Variants in OGFOD3 observed in about 807,000 individuals in gnomAD.
OGFOD3 encodes the protein 2-oxoglutarate and iron-dependent oxygenase domain-containing protein 3.
In OGFOD3, 35 loss-of-function variants were observed where a neutral mutation model predicts 39.8. The ratio of observed to expected loss-of-function variants is 0.88; its 90% CI spans 0.67 to 1.17. The LOEUF (loss-of-function observed/expected upper bound fraction) is 1.17. Among genes scored for constraint, OGFOD3 ranks in the 50% most tolerant of loss-of-function variants. OGFOD3 has a pLI of 0.00. For synonymous variants in OGFOD3, 200 were observed against 192.0 expected (o/e 1.04, Z -0.34); for missense variants, 438 against 454.5 (o/e 0.96, Z 0.33).
chr17:82,411,730 G>A, intron 2 of OGFOD3, 200 bp from the exon 3 acceptor site: 1 of 547,552 alleles, frequency 1.8e-6, no homozygotes, highest in South Asian at 2.2e-5. Context: ...GGCTTCCAGT[G>A]GCTCCAACTG....
Position 82,404,089 on chromosome 17 carries a change from C to G in OGFOD3, c.547G>C (p.Glu183Gln). 6.3e-7 allele frequency: 1 copy of G among 1,591,126 alleles called. No homozygotes were observed. Among genetic ancestry groups the G allele is most frequent in the Non-Finnish European group, 8.6e-7 (1 of 1,167,460 alleles). ...GTGAGCTGGACCTTCTGCCGCACCT[C>G]CCTGCAGAGGACACAATAGCCGTCA... is the stretch of plus-strand genomic sequence containing the variant. ...FSEEDFRLYR[E>Q]VRQKVQLTIA... The change falls in exon 7 of 9, where the codon GAG (glutamate) becomes CAG (glutamine). Residue 183 changes from glutamate (E) to glutamine (Q), a missense_variant and splice_region_variant. Coordinates refer to ENST00000313056, the MANE Select transcript of OGFOD3 (RefSeq NM_024648.3). The surrounding 1 kb of genome is among the most constrained non-coding windows in gnomAD (Gnocchi z 4.5).
chr17:82,392,466 G>C lies in OGFOD3; in HGVS notation c.892C>G (p.Arg298Gly). ...HRVEKVHWGT[R>G]YAITIAFSCN... ...CTGAAGGCGATGGTGATGGCGTAAC[G>C]GGTGCCCCAGTGGACCTTCTCCACG... The change falls in exon 9 of 9, where the codon CGT becomes GGT. Residue 298 changes from arginine (R) to glycine (G), a missense_variant. Arg to Gly is a moderately radical substitution (Grantham distance 125). Coordinates refer to ENST00000313056, the MANE Select transcript of OGFOD3 (RefSeq NM_024648.3). This position sits in a 1 kb window ranked among gnomAD's most constrained non-coding sequence, Gnocchi z 4.2. The C allele has an allele frequency of 6.2e-7, 1 of 1,611,642 alleles. No homozygotes were observed. The highest frequency in any genetic ancestry group is 8.5e-7 in the Non-Finnish European group (1 of 1,179,178).
chr17:82,396,568 T>C (rs990717680), intron 8 of OGFOD3: 1 of 152,250 alleles, frequency 6.6e-6, no homozygotes, highest in Non-Finnish European at 1.5e-5. Flanking sequence ...TTGTTTTAAT[T>C]ATCTGAAAGA....
At position 82,411,941 on chromosome 17, in the gene OGFOD3, A is replaced by G. The variant is rs181795456; in HGVS notation, c.305-411T>C. On this transcript the variant is annotated intron_variant, in intron 2 of 8. Transcript: ENST00000313056. ...CAGAGAGGAAAACCCTCCTGAGACC[A>G]CCAGGGAGGAAAACCCTCCTGAGGC... Among the ~76,000 whole-genome samples the G allele has an allele frequency of 3.2e-3, 487 of 152,036 alleles. 10 individuals are homozygous for G. The highest frequency in any genetic ancestry group is 3.7e-3 in the Non-Finnish European group (254 of 67,988).
Position 82,398,324 on chromosome 17 carries a change from G to C in OGFOD3, c.700-5C>G. 6.2e-7 allele frequency: 1 copy of C among 1,613,946 alleles called. No homozygotes were observed. Among genetic ancestry groups the C allele is most frequent in the Non-Finnish European group, 8.5e-7 (1 of 1,179,930 alleles). ...GTCGAAGGAGCCGTAGGTCACCTGA[G>C]GGCAGAGCCGGGAGGAGGGGGCAGA... On this transcript the variant is annotated splice_polypyrimidine_tract_variant and splice_region_variant and intron_variant, in intron 7 of 8. Coordinates refer to ENST00000313056, the MANE Select transcript of OGFOD3 (RefSeq NM_024648.3).
intron 7 of OGFOD3, among the ~76,000 whole-genome samples, chr17:82,401,747 T>C (rs1413576033): frequency 7.4e-6 from 1 of 134,384 alleles, no homozygotes; most frequent in African/African-American, 2.9e-5. Context: ...GAGGTTGCAG[T>C]GAGCTGAGAT....
chr17:82,393,818 T>A (rs2052629453), intron 8 of OGFOD3: 1 of 152,046 alleles, frequency 6.6e-6, no homozygotes, highest in African/African-American at 2.4e-5. Flanking sequence ...AAGGAGGGTC[T>A]CCTCTGGCCC....
At chr17:82,411,865 G>A (rs765508465) in intron 2 of OGFOD3, among the ~76,000 whole-genome samples, 4 of 152,158 alleles carry the variant, frequency 2.6e-5, no homozygotes, top group Non-Finnish European at 4.4e-5. Context: ...CACAGGCACC[G>A]TCAGAAAACC....
At chr17:82,407,304 T>C (rs2052871416) in intron 4 of OGFOD3, among the ~76,000 whole-genome samples, 1 of 152,110 alleles carries the variant, frequency 6.6e-6, no homozygotes, top group Non-Finnish European at 1.5e-5. Flanking sequence ...AACACTTTTG[T>C]TCCCTGTGAC....
At chr17:82,394,429 G>T in intron 8 of OGFOD3, 1 of 1,613,376 alleles carries the variant, frequency 6.2e-7, no homozygotes, top group Non-Finnish European at 8.5e-7. Context: ...CCTCTCGGGC[G>T]GGTGGTGAGT....
At chr17:82,413,751 G>A (rs2052990137) in intron 2 of OGFOD3, among the ~76,000 whole-genome samples, 1 of 151,682 alleles carries the variant, frequency 6.6e-6, no homozygotes, top group African/African-American at 2.4e-5. Flanking sequence ...GGTGCCTGTA[G>A]TCCCAGCTAC....
At chr17:82,418,366 C>G (rs1271794614) in intron 1 of OGFOD3, 46 bp downstream of exon 1, 1 of 1,347,614 alleles carries the variant, frequency 7.4e-7, no homozygotes. Context: ...CACTCCATGG[C>G]CCTGTCCGCC....
At chr17:82,414,100 C>T (rs2052996364) in intron 2 of OGFOD3, among the ~76,000 whole-genome samples, 1 of 152,100 alleles carries the variant, frequency 6.6e-6, no homozygotes, top group Non-Finnish European at 1.5e-5. Flanking sequence ...TAAACATGGA[C>T]TTCCATCCTC....
At chr17:82,400,653 T>C (rs1343193378) in intron 7 of OGFOD3, 1 of 152,176 alleles carries the variant, frequency 6.6e-6, no homozygotes, top group East Asian at 1.9e-4. Context: ...TATATACATA[T>C]ATATATATAT....
Position 82,405,318 on chromosome 17 carries a change from C to T in OGFOD3, c.545+6G>A. ...GCGAACCCCCACCCGCCTCACTCCTCCTTACCGGTATAACCGGAAGTCCTC... is the reference window on the plus strand; with the variant it reads ...GCGAACCCCCACCCGCCTCACTCCTTCTTACCGGTATAACCGGAAGTCCTC... On this transcript the variant is annotated splice_donor_region_variant and intron_variant, in intron 6 of 8. Coordinates refer to ENST00000313056, the MANE Select transcript of OGFOD3 (RefSeq NM_024648.3). The T allele has an allele frequency of 6.2e-7, 1 of 1,613,504 alleles. No individual in the cohort carries two copies. The highest frequency in any genetic ancestry group is 8.5e-7 in the Non-Finnish European group (1 of 1,179,394).
intron 8 of OGFOD3, among the ~76,000 whole-genome samples, chr17:82,396,114 C>A (rs2052668677): frequency 6.6e-6 from 1 of 151,692 alleles, no homozygotes; most frequent in Non-Finnish European, 1.5e-5. Flanking sequence ...TGTATGACAT[C>A]AAATCACAGG....
chr17:82,403,538 A>G (rs955058220), intron 7 of OGFOD3, among the ~76,000 whole-genome samples: 6 of 152,196 alleles, frequency 3.9e-5, no homozygotes, highest in African/African-American at 1.4e-4. Context: ...AGGCTGAGGC[A>G]GGAGAATCGC....
At position 82,394,353 on chromosome 17, in the gene OGFOD3, A is replaced by G. The variant is rs780106787; in HGVS notation, c.824-1819T>C. 3.4e-5 allele frequency: 54 copies of G among 1,570,734 alleles called. 4 individuals are homozygous for G. In the Admixed American group the frequency reaches 5.2e-4, roughly 15 times the overall value. ...CACCTGCTTCCTTAAAGCAGGACTC[A>G]GCACGGCAACCAAGGAATCAACAAT... is the stretch of plus-strand genomic sequence containing the variant. On this transcript the variant is annotated intron_variant, in intron 8 of 8. Coordinates refer to ENST00000313056, the MANE Select transcript of OGFOD3 (RefSeq NM_024648.3).
intron 7 of OGFOD3, among the ~76,000 whole-genome samples, chr17:82,403,489 A>G (rs2052798525): frequency 6.6e-6 from 1 of 152,032 alleles, no homozygotes; most frequent in South Asian, 2.1e-4. Flanking sequence ...AAAATTAGCG[A>G]GGCCTGGTGG....
Sources: allele counts gnomAD v4.1 joint callset (sites outside exome capture counted in the v4.1 genomes callset), GRCh38; gene constraint gnomAD v4.1.1; non-coding constraint Gnocchi (gnomAD v3.1); transcripts MANE v1.5; gene names NCBI Gene and HGNC (gene_info 2026-07-23, HGNC 2026-07-21).